ADGRB3: variants seen among roughly 807,000 people sequenced by gnomAD.
ADGRB3 encodes brain-specific angiogenesis inhibitor 3.
Under a neutral mutation model 193.4 loss-of-function variants are expected in ADGRB3, and 37 were observed. The observed-to-expected ratio is 0.19, with a 90% CI of 0.15 to 0.25. The LOEUF (loss-of-function observed/expected upper bound fraction) is 0.25, where lower values mean the gene tolerates loss of function less well. ADGRB3 is among the 10% of genes least tolerant of loss of function. The probability of loss-of-function intolerance (pLI) is 1.00; values close to 1 mark genes in which losing one functional copy is unlikely to be tolerated. For synonymous variants in ADGRB3, 690 were observed against 644.2 expected, an observed-to-expected ratio of 1.07 and a Z score of -1.08; for missense variants, 1,637 against 1,852.9, an observed-to-expected ratio of 0.88 and a Z score of 2.14.
At chr6:68,723,800 G>A (rs538978605) in intron 3 of ADGRB3, among the ~76,000 whole-genome samples, 15 of 151,752 alleles carry the variant, frequency 9.9e-5, no homozygotes, top group East Asian at 3.9e-4. Context: ...CAAGTTGGTC[G>A]CCACTACAAA....
intron 3 of ADGRB3, among the ~76,000 whole-genome samples, chr6:68,695,608 G>T (rs1765144330): frequency 6.6e-6 from 1 of 151,910 alleles, no homozygotes; most frequent in East Asian, 1.9e-4. Flanking sequence ...CATTTCCTCG[G>T]TTTCTTTTGG....
At chr6:68,766,883 ATTTG>A (rs1766517342) in intron 3 of ADGRB3, among the ~76,000 whole-genome samples, 1 of 152,048 alleles carries the variant, frequency 6.6e-6, no homozygotes, top group Admixed American at 6.6e-5. Flanking sequence ...TCACAATGAA[ATTTG>A]TTTATGAGAC....
At chr6:68,664,284 T>C (rs1030098448) in intron 3 of ADGRB3, among the ~76,000 whole-genome samples, 1 of 151,776 alleles carries the variant, frequency 6.6e-6, no homozygotes, top group Non-Finnish European at 1.5e-5. Flanking sequence ...ATATTTAGGA[T>C]AAAATATTGT....
intron 3 of ADGRB3, among the ~76,000 whole-genome samples, chr6:68,864,086 C>A (rs964540319): frequency 1.3e-5 from 2 of 152,004 alleles, no homozygotes; most frequent in African/African-American, 2.4e-5. Context: ...AGGCTTTATA[C>A]CATCTTATCA....
chr6:69,329,045 T>C (rs1768648446), intron 22 of ADGRB3, among the ~76,000 whole-genome samples: 1 of 151,876 alleles, frequency 6.6e-6, no homozygotes, highest in African/African-American at 2.4e-5. Flanking sequence ...AGGGAAAAAA[T>C]AAAAGATATA....
At chr6:68,841,575 C>T (rs1768159605) in intron 3 of ADGRB3, among the ~76,000 whole-genome samples, 1 of 152,044 alleles carries the variant, frequency 6.6e-6, no homozygotes, top group African/African-American at 2.4e-5. Context: ...AATGGAAACA[C>T]AACATACCAA....
At chr6:68,984,793 A>G (rs949001485) in intron 10 of ADGRB3, among the ~76,000 whole-genome samples, 3 of 152,150 alleles carry the variant, frequency 2.0e-5, no homozygotes, top group Admixed American at 6.6e-5. Flanking sequence ...AGGAAAAAAG[A>G]TACTTTCTCC....
intron 25 of ADGRB3, 92 bp from the exon 26 acceptor site, chr6:69,339,241 C>T: frequency 6.9e-7 from 1 of 1,454,546 alleles, no homozygotes; most frequent in Non-Finnish European, 9.3e-7. Context: ...GGTCTTGGAA[C>T]CACATACAAA....
At chr6:69,107,883 A>T (rs1407333202) in intron 17 of ADGRB3, among the ~76,000 whole-genome samples, 1 of 152,096 alleles carries the variant, frequency 6.6e-6, no homozygotes, top group East Asian at 1.9e-4. Flanking sequence ...GACACTTGAG[A>T]CTACTAGAAG....
chr6:69,297,352 CTCTCTCTCTCTCTCTT>C (rs1767844546), intron 20 of ADGRB3, among the ~76,000 whole-genome samples: 1 of 121,816 alleles, frequency 8.2e-6, no homozygotes, highest in Admixed American at 8.4e-5. Context: ...CTCTCTCTCT[CTCTCTCTCTCTCTCTT>C]TCTCTCTCTC....
intron 20 of ADGRB3, among the ~76,000 whole-genome samples, chr6:69,274,881 A>C (rs1737257490): frequency 6.6e-6 from 1 of 152,088 alleles, no homozygotes; most frequent in South Asian, 2.1e-4. Context: ...CCAAAGAATG[A>C]AACTGAGTCT....
intron 20 of ADGRB3, among the ~76,000 whole-genome samples, chr6:69,320,963 C>A (rs987255724): frequency 6.6e-6 from 1 of 151,528 alleles, no homozygotes; most frequent in African/African-American, 2.4e-5. Flanking sequence ...TTTCTGCCTT[C>A]TGGAAATACT....
intron 3 of ADGRB3, among the ~76,000 whole-genome samples, chr6:68,657,299 C>T (rs1346948701): frequency 1.3e-5 from 2 of 151,220 alleles, no homozygotes; most frequent in African/African-American, 4.8e-5. Flanking sequence ...TATTTGTTTT[C>T]TGTAGGGGGC....
intron 5 of ADGRB3, among the ~76,000 whole-genome samples, chr6:68,942,282 C>T (rs1437771096): frequency 6.6e-6 from 1 of 152,096 alleles, no homozygotes. Context: ...TTGCGTATTT[C>T]ATCTGCCACT....
At chr6:68,677,215 A>C (rs908534299) in intron 3 of ADGRB3, among the ~76,000 whole-genome samples, 4 of 152,194 alleles carry the variant, frequency 2.6e-5, no homozygotes, top group African/African-American at 7.2e-5. Flanking sequence ...TATTATGTAA[A>C]ACTGAAAGTT....
intron 3 of ADGRB3, among the ~76,000 whole-genome samples, chr6:68,902,550 A>G (rs1284470317): frequency 6.6e-6 from 1 of 152,076 alleles, no homozygotes; most frequent in Non-Finnish European, 1.5e-5. Flanking sequence ...GAAAAACTTA[A>G]CAGGTAAGAT....
At chr6:69,225,461 G>A (rs1765989044) in intron 17 of ADGRB3, among the ~76,000 whole-genome samples, 1 of 152,112 alleles carries the variant, frequency 6.6e-6, no homozygotes, top group South Asian at 2.1e-4. Context: ...ACTGTGTCTA[G>A]TCCTCACTGA....
rs962407996 is a variant in ADGRB3 at position 68,821,409 on chromosome 6, C to G, written c.758-109150C>G. 5.0e-4 allele frequency among the ~76,000 whole-genome samples: 76 copies of G among 152,040 alleles called. No homozygotes were observed. In the Middle Eastern group the frequency reaches 0.014, roughly 27 times the overall value. ...CTTATTCCACTGTACACTACTCTCA[C>G]TTATCAAACAGAATAAGCAACATAC... is the stretch of plus-strand genomic sequence containing the variant. On this transcript the variant is annotated intron_variant, in intron 3 of 31. Transcript: ENST00000370598.
chr6:69,180,861 G>A (rs1775561700), intron 17 of ADGRB3, among the ~76,000 whole-genome samples: 2 of 152,154 alleles, frequency 1.3e-5, no homozygotes, highest in South Asian at 4.1e-4. Flanking sequence ...ACCACAGAAT[G>A]GCTGATTTTG....
Sources: gnomAD v4.1 joint callset for allele counts (sites outside exome capture counted in the v4.1 genomes callset) on GRCh38, gnomAD v4.1.1 for gene constraint, MANE v1.5 for transcripts, NCBI Gene and HGNC (gene_info 2026-07-23, HGNC 2026-07-21) for gene names.